OR9Q2: variants seen among roughly 807,000 people sequenced by gnomAD.
The protein encoded by OR9Q2 is olfactory receptor 9Q2.
In OR9Q2, 2 loss-of-function variants were observed where a neutral mutation model predicts 2.3. That is an observed-to-expected ratio of 0.85 (90% CI 0.35 to 2.68). The LOEUF is 2.68. OR9Q2 is among the 30% of genes most tolerant of loss of function. The pLI, the probability that OR9Q2 is intolerant of heterozygous loss-of-function variation, is 0.10. For synonymous variants in OR9Q2, 178 were observed against 158.6 expected (o/e 1.12, Z -0.92); for missense variants, 404 against 395.7 (o/e 1.02, Z -0.18).
Position 58,191,629 on chromosome 11 carries a change from C to T in OR9Q2, c.*194C>T. The stretch of plus-strand genomic sequence containing the variant: ...CATATTAGATGTTATATGTGTTTGA[C>T]ATTTTCTAATGCTCACAACTAGAAA... On this transcript the variant is annotated 3_prime_UTR_variant, in exon 2 of 2. Coordinates refer to ENST00000641291, the MANE Select transcript of OR9Q2 (RefSeq NM_001005283.3). 2.1e-6 allele frequency: 1 copy of T among 468,752 alleles called. No individual in the cohort carries two copies. Among genetic ancestry groups the T allele is most frequent in the Non-Finnish European group, 3.8e-6 (1 of 266,328 alleles). The allele number at this position is 468,752 out of a possible 1,614,324, so 29.0% of individuals were successfully genotyped here. A position where few individuals can be genotyped will look rare whatever the true frequency, so the allele number is the denominator to read the frequency against.
Position 58,192,584 on chromosome 11 carries a change from G to C in OR9Q2, c.*1149G>C, listed in dbSNP as rs558379343. The C allele has an allele frequency of 1.3e-5, 2 of 152,248 alleles. No homozygotes were observed. Among genetic ancestry groups the C allele is most frequent in the East Asian group, 3.9e-4 (2 of 5,184 alleles). 9.4% of individuals were successfully genotyped at this position (152,248 alleles called of 1,614,324 possible). A position where few individuals can be genotyped will look rare whatever the true frequency, so the allele number is the denominator to read the frequency against. On this transcript the variant is annotated 3_prime_UTR_variant, in exon 2 of 2. Transcript: ENST00000641291. ...ATAATGTGACTTTGTGTATATATGT[G>C]TGTGTGTGTGTATAGTTGTGCATGA...
At position 58,191,390 on chromosome 11, in the gene OR9Q2, C is replaced by T. The variant is rs1854763462; in HGVS notation, c.900C>T (p.Ala300=). The change falls in exon 2 of 2, where the codon GCC becomes GCT. Residue 300 remains alanine (A), a synonymous_variant. Transcript: ENST00000641291. ...YSLRNKEVKE[A]TRKALSKSKP... Reference sequence around the variant, plus strand: ...TGAGAAACAAGGAGGTAAAAGAGGCCACTAGGAAAGCCCTGAGCAAATCAA... The same window carrying T: ...TGAGAAACAAGGAGGTAAAAGAGGCTACTAGGAAAGCCCTGAGCAAATCAA... 1 of 1,613,310 alleles carries T rather than the reference C, an allele frequency of 6.2e-7. No homozygotes were observed. Among genetic ancestry groups the T allele is most frequent in the Non-Finnish European group, 8.5e-7 (1 of 1,179,604 alleles).
In OR9Q2 at chr11:58,190,543, CTGAA is replaced by C. The variant is rs1431210908; in HGVS notation, c.54_57del (p.Glu19IlefsTer13). 3.7e-6 allele frequency: 6 copies of C among 1,614,062 alleles called. No homozygotes were observed. Among genetic ancestry groups the C allele is most frequent in the African/African-American group, 2.7e-5 (2 of 74,928 alleles). ...ACGGAGTTCTTCCTTACTGCATTTA[CTGAA>C]CATCTCCAGTGGAGGGTTCCTCTCT... On this transcript the variant is annotated frameshift_variant, in exon 2 of 2. Transcript: ENST00000641291. LOFTEE classifies it low-confidence loss of function (END_TRUNC).
At position 58,192,597 on chromosome 11, in the gene OR9Q2, T is replaced by C. The variant is rs1014693112; in HGVS notation, c.*1162T>C. On this transcript the variant is annotated 3_prime_UTR_variant, in exon 2 of 2. Transcript: ENST00000641291. ...GTGTATATATGTGTGTGTGTGTGTA[T>C]AGTTGTGCATGATAAAGTGAAGTGT... The C allele has an allele frequency of 9.9e-5, 15 of 152,170 alleles. No individual in the cohort carries two copies. The highest frequency in any genetic ancestry group is 3.6e-4 in the African/African-American group (15 of 41,434). The allele number at this position is 152,170 out of a possible 1,614,324, so 9.4% of individuals were successfully genotyped here.
At position 58,190,512 on chromosome 11, in the gene OR9Q2, G is replaced by T. The variant is rs372286935; in HGVS notation, c.22G>T (p.Val8Leu). MAERNYTVVTEFFLTAFT... is the reference protein window; with the variant it reads MAERNYTLVTEFFLTAFT... Reference sequence around the variant, plus strand: ...ATGGATGGCTGAAAGGAATTACACCGTAGTGACGGAGTTCTTCCTTACTGC... The same window carrying T: ...ATGGATGGCTGAAAGGAATTACACCTTAGTGACGGAGTTCTTCCTTACTGC... The change falls in exon 2 of 2, where the codon GTA becomes TTA. Residue 8 changes from valine (V) to leucine (L), a missense_variant. By Grantham distance (32) the Val-to-Leu change is conservative. Transcript: ENST00000641291. 2.2e-5 allele frequency: 36 copies of T among 1,613,662 alleles called. No homozygotes were observed. In the East Asian group the frequency reaches 4.2e-4, roughly 19 times the overall value.
chr11:58,191,449 A>C lies in OR9Q2; in HGVS notation c.*14A>C, dbSNP rs769795753. On this transcript the variant is annotated 3_prime_UTR_variant, in exon 2 of 2. Coordinates refer to ENST00000641291, the MANE Select transcript of OR9Q2 (RefSeq NM_001005283.3). The stretch of plus-strand genomic sequence containing the variant: ...AGAAGACCCTAAATGGACCCTTGTG[A>C]AATATATCATTCCTTAGTTTCCCCA... The C allele has an allele frequency of 1.3e-6, 2 of 1,503,742 alleles. No homozygotes were observed. Among genetic ancestry groups the C allele is most frequent in the Non-Finnish European group, 1.8e-6 (2 of 1,106,954 alleles). 93.1% of individuals were successfully genotyped at this position (1,503,742 alleles called of 1,614,324 possible). A position where few individuals can be genotyped will look rare whatever the true frequency, so the allele number is the denominator to read the frequency against.
Position 58,190,451 on chromosome 11 carries a change from T to C in OR9Q2, c.-40T>C, listed in dbSNP as rs751248022. 2.1e-6 allele frequency: 3 copies of C among 1,408,682 alleles called. No homozygotes were observed. Among genetic ancestry groups the C allele is most frequent in the East Asian group, 2.3e-5 (1 of 43,816 alleles). 87.3% of individuals were successfully genotyped at this position (1,408,682 alleles called of 1,614,324 possible). On this transcript the variant is annotated 5_prime_UTR_variant, in exon 2 of 2. Coordinates refer to ENST00000641291, the MANE Select transcript of OR9Q2 (RefSeq NM_001005283.3). ...ACTCCTCTTGAGCTGTCCCCTCATC[T>C]GGCTCTTGTCTTAGCCGTTGCAGGT...
At position 58,192,105 on chromosome 11, in the gene OR9Q2, A is replaced by T. The variant is rs945897151; in HGVS notation, c.*670A>T. 8.1e-6 allele frequency: 1 copy of T among 123,764 alleles called. No individual in the cohort carries two copies. The highest frequency in any genetic ancestry group is 3.2e-5 in the African/African-American group (1 of 31,614). 7.7% of individuals were successfully genotyped at this position (123,764 alleles called of 1,614,324 possible). On this transcript the variant is annotated 3_prime_UTR_variant, in exon 2 of 2. Coordinates refer to ENST00000641291, the MANE Select transcript of OR9Q2 (RefSeq NM_001005283.3). ...CTTCTTGTTTCTGTGATTTTTGAAT[A>T]ACAATGAGGAAAATAATAATAATAA...
Position 58,193,142 on chromosome 11 carries a change from G to A in OR9Q2, c.*1707G>A, listed in dbSNP as rs546664529. ...GGTAATATTATAAACATTATTTAGT[G>A]TTATTAATTACTGTTATTAATTCAT... On this transcript the variant is annotated 3_prime_UTR_variant, in exon 2 of 2. Transcript: ENST00000641291. 6.6e-6 allele frequency: 1 copy of A among 152,332 alleles called. No homozygotes were observed. The highest frequency in any genetic ancestry group is 2.1e-4 in the South Asian group (1 of 4,822). 9.4% of individuals were successfully genotyped at this position (152,332 alleles called of 1,614,324 possible).
Position 58,190,588 on chromosome 11 carries a change from G to A in OR9Q2, c.98G>A (p.Ser33Asn). ...GTTCCTCTCTTCCTCATATTTTTGA[G>A]TTTCTATCTTGCCACTATGTTAGGG... ...WRVPLFLIFL[S>N]FYLATMLGNT... is the part of the protein sequence containing the mutation. Residue 33 changes from serine (S) to asparagine (N), a missense_variant, in exon 2 of 2, where the codon AGT (serine) becomes AAT (asparagine). By Grantham distance (46) the Ser-to-Asn change is conservative. Coordinates refer to ENST00000641291, the MANE Select transcript of OR9Q2 (RefSeq NM_001005283.3). 6.2e-7 allele frequency: 1 copy of A among 1,614,086 alleles called. No individual in the cohort carries two copies. The highest frequency in any genetic ancestry group is 2.2e-5 in the East Asian group (1 of 44,868).
rs771027538 is a variant in OR9Q2 at position 58,190,613 on chromosome 11, G to T, written c.123G>T (p.Gly41=). Residue 41 remains glycine (G), a synonymous_variant, in exon 2 of 2, where the codon GGG becomes GGT. Coordinates refer to ENST00000641291, the MANE Select transcript of OR9Q2 (RefSeq NM_001005283.3). Reference sequence around the variant, plus strand: ...GTTTCTATCTTGCCACTATGTTAGGGAACACAGGCATGATCCTCCTGATCC... The same window carrying T: ...GTTTCTATCTTGCCACTATGTTAGGTAACACAGGCATGATCCTCCTGATCC... The part of the protein sequence containing the change: ...FLSFYLATML[G]NTGMILLIRG... The T allele has an allele frequency of 1.2e-6, 2 of 1,614,104 alleles. No individual in the cohort carries two copies. Among genetic ancestry groups the T allele is most frequent in the Non-Finnish European group, 1.7e-6 (2 of 1,180,010 alleles).
In OR9Q2 at chr11:58,190,650, C is replaced by T. The variant is rs781667385; in HGVS notation, c.160C>T (p.Arg54Trp). The change falls in exon 2 of 2, where the codon CGG becomes TGG. Residue 54 changes from arginine to tryptophan, a missense_variant. Physicochemically the swap from Arg to Trp is moderately radical, Grantham distance 101. Coordinates refer to ENST00000641291, the MANE Select transcript of OR9Q2 (RefSeq NM_001005283.3). The part of the protein sequence containing the change: ...GMILLIRGDR[R>W]LHTPMYFFLS... ...GATCCTCCTGATCCGTGGCGATCGTCGGCTCCACACCCCGATGTACTTCTT... is the reference window on the plus strand; with the variant it reads ...GATCCTCCTGATCCGTGGCGATCGTTGGCTCCACACCCCGATGTACTTCTT... 12 of 1,614,034 alleles carry T rather than the reference C, an allele frequency of 7.4e-6. No individual in the cohort carries two copies. Among genetic ancestry groups the T allele is most frequent in the Non-Finnish European group, 9.3e-6 (11 of 1,180,024 alleles).
In OR9Q2 at chr11:58,193,415, T is replaced by G. The variant is rs963739137; in HGVS notation, c.*1980T>G. ...TAAAAGCTTTACATGAATCCTTTAT[T>G]TTAGCCCTCCTAACAATGTTAATGA... On this transcript the variant is annotated 3_prime_UTR_variant, in exon 2 of 2. Coordinates refer to ENST00000641291, the MANE Select transcript of OR9Q2 (RefSeq NM_001005283.3). 2.6e-5 allele frequency: 4 copies of G among 152,196 alleles called. No homozygotes were observed. The highest frequency in any genetic ancestry group is 4.4e-5 in the Non-Finnish European group (3 of 68,038). The allele number at this position is 152,196 out of a possible 1,614,324, so 9.4% of individuals were successfully genotyped here.
At position 58,191,242 on chromosome 11, in the gene OR9Q2, T is replaced by C; in HGVS notation, c.752T>C (p.Phe251Ser). Residue 251 changes from phenylalanine to serine, a missense_variant, in exon 2 of 2, where the codon TTC becomes TCC. Coordinates refer to ENST00000641291, the MANE Select transcript of OR9Q2 (RefSeq NM_001005283.3). Reference sequence around the variant, plus strand: ...TCCCACCTCACTGCCGTCGCTCTTTTCTTTGGCACCCTCATCTTCATGTAC... The same window carrying C: ...TCCCACCTCACTGCCGTCGCTCTTTCCTTTGGCACCCTCATCTTCATGTAC... ...CASHLTAVALFFGTLIFMYLR... is the reference protein window; with the variant it reads ...CASHLTAVALSFGTLIFMYLR... The C allele has an allele frequency of 6.2e-7, 1 of 1,614,144 alleles. No individual in the cohort carries two copies.
rs759647792 is a variant in OR9Q2 at position 58,193,924 on chromosome 11, T to C, written c.*2489T>C. ...TTCAATAAATAGTTAATCGGCTTAG[T>C]GCCTCCAAGCAGGCACTAACCTTCC... On this transcript the variant is annotated 3_prime_UTR_variant, in exon 2 of 2. Transcript: ENST00000641291. 5 of 152,208 alleles carry C rather than the reference T, an allele frequency of 3.3e-5. No individual in the cohort carries two copies. The highest frequency in any genetic ancestry group is 5.9e-5 in the Non-Finnish European group (4 of 68,038). The allele number at this position is 152,208 out of a possible 1,614,324, so 9.4% of individuals were successfully genotyped here.
At position 58,191,273 on chromosome 11, in the gene OR9Q2, A is replaced by G. The variant is rs1339466155; in HGVS notation, c.783A>G (p.Arg261=). ...FFGTLIFMYL[R]DNTGQSSEGD... ...GCACCCTCATCTTCATGTACCTGCG[A>G]GACAACACAGGCCAGTCCTCCGAGG... is the stretch of plus-strand genomic sequence containing the variant. Residue 261 remains arginine, a synonymous_variant, in exon 2 of 2, where the codon CGA becomes CGG. Coordinates refer to ENST00000641291, the MANE Select transcript of OR9Q2 (RefSeq NM_001005283.3). 2.5e-6 allele frequency: 4 copies of G among 1,613,918 alleles called. No homozygotes were observed. The African/African-American group carries it at 5.3e-5, about 22-fold the overall frequency.
rs142377450 is a variant in OR9Q2, at chr11:58,190,999, G to C, written c.509G>C (p.Gly170Ala). The C allele has an allele frequency of 6.2e-7, 1 of 1,614,010 alleles. No individual in the cohort carries two copies. The highest frequency in any genetic ancestry group is 1.3e-5 in the African/African-American group (1 of 74,898). The change falls in exon 2 of 2, where the codon GGA becomes GCA. Residue 170 changes from glycine to alanine, a missense_variant. Physicochemically the swap from Gly to Ala is moderately conservative, Grantham distance 60. Coordinates refer to ENST00000641291, the MANE Select transcript of OR9Q2 (RefSeq NM_001005283.3). Reference sequence around the variant, plus strand: ...ACAGCCTTCACTCTCTCCTTTTGTGGAAACAATGAGATCAACTTCATTTTC... The same window carrying C: ...ACAGCCTTCACTCTCTCCTTTTGTGCAAACAATGAGATCAACTTCATTTTC... ...TVTAFTLSFC[G>A]NNEINFIFCD...
rs1377308902 is a variant in OR9Q2 at position 58,190,334 on chromosome 11, T to C, written c.-157T>C. 7 of 605,546 alleles carry C rather than the reference T, an allele frequency of 1.2e-5. No individual in the cohort carries two copies. In the East Asian group the frequency reaches 1.6e-4, roughly 14 times the overall value. The allele number at this position is 605,546 out of a possible 1,614,324, so 37.5% of individuals were successfully genotyped here. The stretch of plus-strand genomic sequence containing the variant: ...TATATTACAGTGAGCTCAATATCTG[T>C]CTATATCTATCTTCGACTGAAAAGT... On this transcript the variant is annotated 5_prime_UTR_variant, in exon 2 of 2. Coordinates refer to ENST00000641291, the MANE Select transcript of OR9Q2 (RefSeq NM_001005283.3).
rs3061594 is a variant in OR9Q2, at chr11:58,192,116, AAATAATAATAAT to A, written c.*701_*712del. ...TGTGATTTTTGAATAACAATGAGGA[AAATAATAATAAT>A]AATAATAATAATAATAATAGCAAGT... On this transcript the variant is annotated 3_prime_UTR_variant, in exon 2 of 2. Transcript: ENST00000641291. The A allele has an allele frequency of 6.9e-6, 1 of 145,588 alleles. No individual in the cohort carries two copies. The highest frequency in any genetic ancestry group is 1.5e-5 in the Non-Finnish European group (1 of 66,534). The allele number at this position is 145,588 out of a possible 1,614,324, so 9.0% of individuals were successfully genotyped here. A position where few individuals can be genotyped will look rare whatever the true frequency, so the allele number is the denominator to read the frequency against.
Sources: gnomAD v4.1 joint callset for allele counts on GRCh38, gnomAD v4.1.1 for gene constraint, MANE v1.5 for transcripts, NCBI Gene and HGNC (gene_info 2026-07-23, HGNC 2026-07-21) for gene names.